The following CACNA2D3 variants were observed in gnomAD, a reference collection of about 807,000 sequenced individuals.
The protein encoded by CACNA2D3 is calcium voltage-gated channel auxiliary subunit alpha2delta 3.
A neutral mutation model predicts 160.6 loss-of-function variants in CACNA2D3; 60 were observed. The observed-to-expected ratio is 0.37, with a 90% CI of 0.30 to 0.46. The LOEUF is 0.46. Ranked by LOEUF, CACNA2D3 falls within the 20% of genes least tolerant of loss-of-function variation. CACNA2D3 has a pLI of 1.00. For missense variants in CACNA2D3, 1,205 were observed against 1,365.0 expected, an observed-to-expected ratio of 0.88 and a Z score of 1.85; for synonymous variants, 558 against 492.9, an observed-to-expected ratio of 1.13 and a Z score of -1.75.
chr3:55,030,538 G>A (rs1703665318), intron 35 of CACNA2D3, among the ~76,000 whole-genome samples: 1 of 152,110 alleles, frequency 6.6e-6, no homozygotes, highest in South Asian at 2.1e-4. Flanking sequence ...GGAGGAAGAG[G>A]TAAATGCTTA....
At position 54,242,351 on chromosome 3, in the gene CACNA2D3, G is replaced by T. The variant is rs186003278; in HGVS notation, c.205-78091G>T. ...CCAGCTACTCGGGAGGCTGAGGCAG[G>T]ATAATCACTTGAATCTGGGAGGCAG... On this transcript the variant is annotated intron_variant, in intron 2 of 37. Coordinates refer to ENST00000474759, the MANE Select transcript of CACNA2D3 (RefSeq NM_018398.3). Among the ~76,000 whole-genome samples the T allele has an allele frequency of 2.6e-3, 391 of 152,324 alleles. 1 individual carries two copies. Among genetic ancestry groups the T allele is most frequent in the African/African-American group, 9.0e-3 (376 of 41,576 alleles).
chr3:54,391,282 G>A (rs1312427317), intron 4 of CACNA2D3, among the ~76,000 whole-genome samples: 2 of 152,094 alleles, frequency 1.3e-5, no homozygotes, highest in Non-Finnish European at 2.9e-5. Flanking sequence ...TCTTTTCAGA[G>A]GTTTAACTTT....
chr3:54,141,082 TGTGTGCGCGCGCGCGC>T (rs972710529), intron 2 of CACNA2D3, among the ~76,000 whole-genome samples: 47 of 112,598 alleles, frequency 4.2e-4, no homozygotes, highest in Non-Finnish European at 6.9e-4. Context: ...TGTGTGTGTG[TGTGTGCGCGCGCGCGC>T]GTGTGTGCAT....
chr3:54,886,884 T>C (rs1440879760), intron 23 of CACNA2D3, among the ~76,000 whole-genome samples: 2 of 151,766 alleles, frequency 1.3e-5, no homozygotes, highest in African/African-American at 4.8e-5. Flanking sequence ...ACTTAATATA[T>C]TCATTGTCTT....
At chr3:54,474,479 A>G (rs1462102567) in intron 4 of CACNA2D3, among the ~76,000 whole-genome samples, 2 of 152,138 alleles carry the variant, frequency 1.3e-5, no homozygotes, top group Admixed American at 1.3e-4. Flanking sequence ...GCAAACCACT[A>G]TGGCACGTGT....
chr3:54,491,267 C>A (rs1701104420), intron 4 of CACNA2D3, among the ~76,000 whole-genome samples: 1 of 152,196 alleles, frequency 6.6e-6, no homozygotes, highest in Non-Finnish European at 1.5e-5. Flanking sequence ...GTTGGCTCTA[C>A]AGCATGCACA....
At chr3:54,225,913 C>T (rs1397576765) in intron 2 of CACNA2D3, among the ~76,000 whole-genome samples, 1 of 151,972 alleles carries the variant, frequency 6.6e-6, no homozygotes, top group Non-Finnish European at 1.5e-5. Context: ...CTTTAATTTC[C>T]GGAAAGCACT....
At chr3:54,538,999 C>T (rs892465075) in intron 5 of CACNA2D3, among the ~76,000 whole-genome samples, 4 of 152,180 alleles carry the variant, frequency 2.6e-5, no homozygotes, top group South Asian at 4.1e-4. Context: ...TGGTGGCTTA[C>T]GTTCACTTTT....
chr3:54,422,974 C>T (rs1699861326), intron 4 of CACNA2D3, among the ~76,000 whole-genome samples: 1 of 152,128 alleles, frequency 6.6e-6, no homozygotes, highest in Non-Finnish European at 1.5e-5. Flanking sequence ...AAACGTTATT[C>T]CTTCTAGAAT....
chr3:54,800,186 C>T (rs1052203734), intron 13 of CACNA2D3, among the ~76,000 whole-genome samples: 1 of 150,386 alleles, frequency 6.6e-6, no homozygotes, highest in Non-Finnish European at 1.5e-5. Flanking sequence ...CAGAAAAGAG[C>T]TTCCTTCCAT....
intron 11 of CACNA2D3, among the ~76,000 whole-genome samples, chr3:54,652,344 G>C (rs1699785745): frequency 6.6e-6 from 1 of 152,206 alleles, no homozygotes; most frequent in Admixed American, 6.5e-5. Flanking sequence ...CCCAGGAGTA[G>C]GGGGCTAAGA....
At chr3:54,454,554 G>A (rs763549637) in intron 4 of CACNA2D3, among the ~76,000 whole-genome samples, 12 of 151,790 alleles carry the variant, frequency 7.9e-5, no homozygotes, top group African/African-American at 7.3e-5. Flanking sequence ...ATTAAATCTC[G>A]GTAATCAGTA....
intron 11 of CACNA2D3, among the ~76,000 whole-genome samples, chr3:54,744,285 T>C (rs1477975212): frequency 6.6e-6 from 1 of 152,170 alleles, no homozygotes; most frequent in African/African-American, 2.4e-5. Context: ...AAAGAAACCA[T>C]TTTGATTTTG....
intron 3 of CACNA2D3, among the ~76,000 whole-genome samples, chr3:54,373,518 T>C (rs1698960830): frequency 6.6e-6 from 1 of 152,198 alleles, no homozygotes; most frequent in Non-Finnish European, 1.5e-5. Context: ...ATATATGTAA[T>C]TGGTCTCTTC....
chr3:55,074,334 A>ATGAT lies in CACNA2D3; in HGVS notation c.*130_*133dup. On this transcript the variant is annotated 3_prime_UTR_variant, in exon 38 of 38. Transcript: ENST00000474759. Reference sequence around the variant, plus strand: ...ATAGTCCAACCATCAGCATCTCATCATGATTTTAAACTGTGCGTGATATAA... The same window carrying ATGAT: ...ATAGTCCAACCATCAGCATCTCATCATGATTGATTTTAAACTGTGCGTGATATAA... 1.3e-6 allele frequency: 1 copy of ATGAT among 754,640 alleles called. No homozygotes were observed. Among genetic ancestry groups the ATGAT allele is most frequent in the South Asian group, 1.6e-5 (1 of 64,430 alleles). The allele number at this position is 754,640 out of a possible 1,614,324, so 46.7% of individuals were successfully genotyped here. A position where few individuals can be genotyped will look rare whatever the true frequency, so the allele number is the denominator to read the frequency against.
intron 2 of CACNA2D3, among the ~76,000 whole-genome samples, chr3:54,256,287 A>G (rs529738192): frequency 2.3e-4 from 35 of 152,288 alleles, no homozygotes; most frequent in African/African-American, 8.2e-4. Context: ...CTGCTGATTA[A>G]TATGCCTAGC....
intron 2 of CACNA2D3, among the ~76,000 whole-genome samples, chr3:54,198,243 A>G (rs6807607): frequency 6.6e-6 from 1 of 152,208 alleles, no homozygotes. Context: ...GGCTCTGCCT[A>G]TCTGAGGACA....
chr3:54,809,309 TTC>T (rs1481227854), intron 13 of CACNA2D3, among the ~76,000 whole-genome samples: 1 of 95,752 alleles, frequency 1.0e-5, no homozygotes, highest in Non-Finnish European at 1.9e-5. Flanking sequence ...CCTTCCTTCT[TTC>T]TTTTTTTTTT....
At chr3:54,330,491 C>T (rs1014221826) in intron 3 of CACNA2D3, among the ~76,000 whole-genome samples, 1 of 152,154 alleles carries the variant, frequency 6.6e-6, no homozygotes, top group African/African-American at 2.4e-5. Flanking sequence ...CTACCTCAAG[C>T]AGGTGTTTCT....
Sources: gnomAD v4.1 joint callset for allele counts (sites outside exome capture counted in the v4.1 genomes callset) on GRCh38, gnomAD v4.1.1 for gene constraint, MANE v1.5 for transcripts, NCBI Gene and HGNC (gene_info 2026-07-23, HGNC 2026-07-21) for gene names.